Variants in DCC observed in about 807,000 individuals in gnomAD.
DCC encodes the protein netrin receptor DCC.
Under a neutral mutation model 172.5 loss-of-function variants are expected in DCC, and 58 were observed. The observed-to-expected ratio is 0.34, with a 90% CI of 0.27 to 0.42. The LOEUF (loss-of-function observed/expected upper bound fraction) is 0.42. DCC is among the 10% of genes least tolerant of loss of function. DCC has a pLI of 1.00. For synonymous variants in DCC, 709 were observed against 644.5 expected (o/e 1.10, Z -1.52); for missense variants, 1,740 against 1,791.0 (o/e 0.97, Z 0.51).
At chr18:52,426,702 T>C (rs912797587) in intron 1 of DCC, among the ~76,000 whole-genome samples, 1 of 152,124 alleles carries the variant, frequency 6.6e-6, no homozygotes, top group Non-Finnish European at 1.5e-5. Flanking sequence ...GATACCTTGT[T>C]GCCAGCATGT....
chr18:53,405,387 A>C (rs1300620303), intron 19 of DCC, among the ~76,000 whole-genome samples: 1 of 152,128 alleles, frequency 6.6e-6, no homozygotes, highest in African/African-American at 2.4e-5. Context: ...AACATCCTTG[A>C]GTCCCACTTT....
intron 13 of DCC, 147 bp from the exon 14 acceptor site, chr18:53,321,900 T>C: frequency 1.5e-6 from 1 of 683,312 alleles, no homozygotes; most frequent in Non-Finnish European, 2.7e-6. Context: ...TCTACCCTTT[T>C]AGTCAAAATA....
rs1377525033 is a variant in DCC, at chr18:53,535,166, G to A, written c.*4513G>A. 1.3e-5 allele frequency: 1 copy of A among 78,682 alleles called. No individual in the cohort carries two copies. The highest frequency in any genetic ancestry group is 3.8e-4 in the East Asian group (1 of 2,662). 4.9% of individuals were successfully genotyped at this position (78,682 alleles called of 1,614,324 possible). On this transcript the variant is annotated 3_prime_UTR_variant, in exon 29 of 29. Coordinates refer to ENST00000442544, the MANE Select transcript of DCC (RefSeq NM_005215.4). ...GCTTGTTTGGGGGAAGGGTGGGCGG[G>A]TATGGGGTGTACTTTTTATAAGTAA...
chr18:52,349,173 G>A (rs1267611467), intron 1 of DCC, among the ~76,000 whole-genome samples: 1 of 146,062 alleles, frequency 6.8e-6, no homozygotes, highest in African/African-American at 2.4e-5. Context: ...TATGTGCTTT[G>A]TGCACCATCC....
chr18:53,430,891 G>T (rs1034356394), intron 21 of DCC, among the ~76,000 whole-genome samples: 1 of 152,124 alleles, frequency 6.6e-6, no homozygotes, highest in East Asian at 1.9e-4. Context: ...GTAGCAGGGA[G>T]ATCAAGAAGA....
chr18:52,757,852 C>A (rs766905975), intron 2 of DCC, among the ~76,000 whole-genome samples: 1 of 152,072 alleles, frequency 6.6e-6, no homozygotes, highest in South Asian at 2.1e-4. Context: ...AAGCTAAGAG[C>A]TCTATGGCCA....
At chr18:52,555,150 C>A (rs951896186) in intron 1 of DCC, among the ~76,000 whole-genome samples, 2 of 152,030 alleles carry the variant, frequency 1.3e-5, no homozygotes, top group Admixed American at 1.3e-4. Context: ...CATACCTGAA[C>A]ATTTCTGAGT....
intron 8 of DCC, among the ~76,000 whole-genome samples, chr18:53,174,807 T>A (rs2144459615): frequency 6.6e-6 from 1 of 151,538 alleles, no homozygotes. Flanking sequence ...AAAGAGGGAA[T>A]CCTCCCTAAC....
chr18:52,926,960 TATG>T (rs1414530949), intron 5 of DCC, among the ~76,000 whole-genome samples: 8 of 115,786 alleles, frequency 6.9e-5, no homozygotes, highest in Non-Finnish European at 1.0e-4. Context: ...ATACACTATA[TATG>T]GATATATATA....
chr18:53,175,309 G>A (rs894998666), intron 8 of DCC, among the ~76,000 whole-genome samples: 2 of 151,680 alleles, frequency 1.3e-5, no homozygotes, highest in African/African-American at 4.8e-5. Context: ...TCAACATAGT[G>A]TTGGAAGTTC....
intron 7 of DCC, among the ~76,000 whole-genome samples, chr18:53,091,015 T>A (rs1263107005): frequency 6.6e-6 from 1 of 152,016 alleles, no homozygotes; most frequent in Non-Finnish European, 1.5e-5. Flanking sequence ...TGGTGCAGAA[T>A]TCCAGCATCA....
At chr18:53,493,442 A>C (rs2045982199) in intron 26 of DCC, among the ~76,000 whole-genome samples, 1 of 152,198 alleles carries the variant, frequency 6.6e-6, no homozygotes, top group Non-Finnish European at 1.5e-5. Context: ...TTGCCCATTC[A>C]GTATGATATT....
At chr18:52,675,758 C>T (rs1050835970) in intron 1 of DCC, among the ~76,000 whole-genome samples, 11 of 152,186 alleles carry the variant, frequency 7.2e-5, no homozygotes, top group African/African-American at 1.9e-4. Context: ...GGAAGATTTT[C>T]GGCAACAAGC....
intron 1 of DCC, among the ~76,000 whole-genome samples, chr18:52,412,786 A>C (rs1020275459): frequency 6.6e-6 from 1 of 152,112 alleles, no homozygotes; most frequent in African/African-American, 2.4e-5. Flanking sequence ...GTTGACTAAA[A>C]ATGTTCTTTG....
chr18:52,571,116 T>C (rs2033282540), intron 1 of DCC, among the ~76,000 whole-genome samples: 3 of 152,154 alleles, frequency 2.0e-5, no homozygotes, highest in South Asian at 2.1e-4. Context: ...GAGTAAAAAA[T>C]GCATTTTATT....
In DCC at chr18:53,339,823, A is replaced by G. The variant is rs1167421232; in HGVS notation, c.2275A>G (p.Ile759Val). The G allele has an allele frequency of 6.2e-7, 1 of 1,613,870 alleles. No individual in the cohort carries two copies. Among genetic ancestry groups the G allele is most frequent in the Non-Finnish European group, 8.5e-7 (1 of 1,179,964 alleles). ...LNPNIVVRGY[I>V]IGYGVGSPYA... ...CCCAAACATCGTGGTGCGAGGTTAT[A>G]TTATCGGTTATGGCGTTGGGAGCCC... Residue 759 changes from isoleucine to valine, a missense_variant, in exon 15 of 29, where the codon ATT (isoleucine) becomes GTT (valine). This residue lies in a region of DCC where 1,732 missense variants were observed against 1,767.4 expected (regional missense o/e 0.98). Coordinates refer to ENST00000442544, the MANE Select transcript of DCC (RefSeq NM_005215.4).
chr18:52,560,014 T>G (rs1409851866), intron 1 of DCC, among the ~76,000 whole-genome samples: 1 of 152,218 alleles, frequency 6.6e-6, no homozygotes, highest in Admixed American at 6.5e-5. Context: ...GAGTACCTCT[T>G]ATTGCGTATA....
intron 1 of DCC, among the ~76,000 whole-genome samples, chr18:52,343,691 T>A (rs543657003): frequency 5.8e-4 from 89 of 152,362 alleles, no homozygotes; most frequent in South Asian, 2.3e-3. Context: ...AAATGAGGCA[T>A]ACATATTAAT....
intron 7 of DCC, among the ~76,000 whole-genome samples, chr18:53,117,600 C>G (rs1243526414): frequency 6.6e-6 from 1 of 151,748 alleles, no homozygotes; most frequent in Admixed American, 6.6e-5. Flanking sequence ...AACCTTTGCA[C>G]TAAACCTGAA....
Sources: gnomAD v4.1 joint callset for allele counts (sites outside exome capture counted in the v4.1 genomes callset) on GRCh38, gnomAD v4.1.1 for gene constraint, gnomAD v4.1.1 regional missense constraint, MANE v1.5 for transcripts, NCBI Gene and HGNC (gene_info 2026-07-23, HGNC 2026-07-21) for gene names.